The following TMEM132C variants were observed in gnomAD, a reference collection of about 807,000 sequenced individuals.
The protein encoded by TMEM132C is transmembrane protein 132C.
Under a neutral mutation model 61.4 loss-of-function variants are expected in TMEM132C, and 29 were observed. The observed-to-expected ratio is 0.47, with a 90% CI of 0.35 to 0.64. The LOEUF (loss-of-function observed/expected upper bound fraction) is 0.64. TMEM132C is among the 30% of genes least tolerant of loss of function. The pLI is 0.00. For missense variants in TMEM132C, 1,408 were observed against 1,476.9 expected, an observed-to-expected ratio of 0.95 and a Z score of 0.76; for synonymous variants, 656 against 633.1, an observed-to-expected ratio of 1.04 and a Z score of -0.54.
At chr12:128,303,072 G>T (rs1434216725) in intron 1 of TMEM132C, among the ~76,000 whole-genome samples, 1 of 152,180 alleles carries the variant, frequency 6.6e-6, no homozygotes, top group African/African-American at 2.4e-5. Flanking sequence ...ACACAGCTTT[G>T]CCTTCCAAGA....
intron 2 of TMEM132C, among the ~76,000 whole-genome samples, chr12:128,516,641 G>A (rs1872728925): frequency 6.6e-6 from 1 of 152,088 alleles, no homozygotes; most frequent in African/African-American, 2.4e-5. Context: ...GTCAGACATG[G>A]TGGCTCACAC....
chr12:128,419,204 A>C (rs1593046711), intron 2 of TMEM132C, among the ~76,000 whole-genome samples: 2 of 152,326 alleles, frequency 1.3e-5, no homozygotes, highest in East Asian at 3.9e-4. Flanking sequence ...TTCTTTCTGA[A>C]TCTGGTATTT....
intron 2 of TMEM132C, among the ~76,000 whole-genome samples, chr12:128,454,634 T>C (rs1370804434): frequency 6.6e-6 from 1 of 152,236 alleles, no homozygotes; most frequent in Non-Finnish European, 1.5e-5. Flanking sequence ...ACCCCCTGGA[T>C]AGGACCTCCA....
chr12:128,466,799 TGA>T (rs1397512875), intron 2 of TMEM132C, among the ~76,000 whole-genome samples: 1 of 152,230 alleles, frequency 6.6e-6, no homozygotes, highest in Non-Finnish European at 1.5e-5. Context: ...ATTACAGGCA[TGA>T]GCCACCGCAC....
chr12:128,626,127 C>CTTTTT (rs1555237535), intron 4 of TMEM132C, among the ~76,000 whole-genome samples: 1 of 139,200 alleles, frequency 7.2e-6, no homozygotes. Flanking sequence ...TTCTTTCTTT[C>CTTTTT]TTTTTTTTTT....
chr12:128,685,028 G>A (rs2135643658), intron 5 of TMEM132C, among the ~76,000 whole-genome samples: 1 of 152,304 alleles, frequency 6.6e-6, no homozygotes, highest in South Asian at 2.1e-4. Flanking sequence ...TGAATGTCCT[G>A]AAACGGTGGC....
chr12:128,371,538 T>A (rs546395675), intron 1 of TMEM132C, among the ~76,000 whole-genome samples: 1 of 152,150 alleles, frequency 6.6e-6, no homozygotes, highest in Admixed American at 6.6e-5. Context: ...GTCATCTTTT[T>A]GTTGTTGTTG....
chr12:128,506,547 G>T (rs1443631761), intron 2 of TMEM132C, among the ~76,000 whole-genome samples: 1 of 152,144 alleles, frequency 6.6e-6, no homozygotes, highest in African/African-American at 2.4e-5. Flanking sequence ...AAGTGTATGT[G>T]GGTCATCCAG....
intron 2 of TMEM132C, among the ~76,000 whole-genome samples, chr12:128,533,874 A>G (rs540477995): frequency 1.3e-5 from 2 of 152,028 alleles, no homozygotes; most frequent in Non-Finnish European, 2.9e-5. Context: ...CCAGAGGCCA[A>G]GTGGTACTTA....
chr12:128,379,522 C>T lies in TMEM132C; in HGVS notation c.86-35210C>T, dbSNP rs7979781. ...ATCTGAGCTGCACCCACTCCAGAGG[C>T]GCTAGGGAAGGACCCTTCCTTGCCT... is the stretch of plus-strand genomic sequence containing the variant. On this transcript the variant is annotated intron_variant, in intron 1 of 8. Coordinates refer to ENST00000435159, the MANE Select transcript of TMEM132C (RefSeq NM_001136103.3). Among the ~76,000 whole-genome samples the T allele has an allele frequency of 7.2e-3, 1,095 of 152,302 alleles. 6 individuals are homozygous for T. The highest frequency in any genetic ancestry group is 0.014 in the Middle Eastern group (4 of 294).
intron 2 of TMEM132C, among the ~76,000 whole-genome samples, chr12:128,468,316 A>G (rs894834333): frequency 5.4e-5 from 8 of 147,176 alleles, no homozygotes; most frequent in African/African-American, 2.1e-4. Flanking sequence ...GACCAAATTT[A>G]CTTTTTTTTT....
At chr12:128,463,341 G>A (rs1029101931) in intron 2 of TMEM132C, among the ~76,000 whole-genome samples, 112 of 151,870 alleles carry the variant, frequency 7.4e-4, no homozygotes, top group African/African-American at 2.5e-3. Context: ...TTTTCGAGAC[G>A]GAGTTTCTCT....
At chr12:128,368,402 T>A (rs1309288447) in intron 1 of TMEM132C, among the ~76,000 whole-genome samples, 1 of 152,200 alleles carries the variant, frequency 6.6e-6, no homozygotes, top group Non-Finnish European at 1.5e-5. Context: ...CCAGTCAATC[T>A]TGGGCACTTT....
chr12:128,314,073 C>A (rs1872067474), intron 1 of TMEM132C, among the ~76,000 whole-genome samples: 1 of 152,260 alleles, frequency 6.6e-6, no homozygotes, highest in Admixed American at 6.5e-5. Flanking sequence ...CTGGGAGACA[C>A]TTGAATTTGG....
chr12:128,451,456 A>AC (rs771468542), intron 2 of TMEM132C, among the ~76,000 whole-genome samples: 1 of 152,014 alleles, frequency 6.6e-6, no homozygotes, highest in East Asian at 1.9e-4. Context: ...TCCGCCTGCT[A>AC]CCCCCGGCAG....
intron 2 of TMEM132C, among the ~76,000 whole-genome samples, chr12:128,446,633 C>T (rs1281164814): frequency 2.0e-5 from 3 of 152,184 alleles, no homozygotes; most frequent in African/African-American, 7.2e-5. Flanking sequence ...AGTAGATTAG[C>T]TTTGCAGACC....
Position 128,267,188 on chromosome 12 carries a change from G to C in TMEM132C, c.-215G>C, listed in dbSNP as rs189252406. The stretch of plus-strand genomic sequence containing the variant: ...TGCGGGAGAAAAGTTGTCCCGGCCG[G>C]AGCGCGAGCAGCGGCGGAGCCGGAG... On this transcript the variant is annotated 5_prime_UTR_variant, in exon 1 of 9. Transcript: ENST00000435159. Among the ~76,000 whole-genome samples, 7 of 146,950 alleles carry C rather than the reference G, an allele frequency of 4.8e-5. No homozygotes were observed. The highest frequency in any genetic ancestry group is 1.5e-5 in the Non-Finnish European group (1 of 66,022).
Position 128,298,915 on chromosome 12 carries a change from A to G in TMEM132C, c.85+31428A>G, listed in dbSNP as rs150225843. 4.9e-3 allele frequency among the ~76,000 whole-genome samples: 743 copies of G among 152,316 alleles called. 6 individuals are homozygous for G. The highest frequency in any genetic ancestry group is 0.017 in the African/African-American group (698 of 41,568). The stretch of plus-strand genomic sequence containing the variant: ...TCCCCATTTAACTTGAAGTTCCATG[A>G]AAACAGGGGTGTTTTTTCTCTTTTA... On this transcript the variant is annotated intron_variant, in intron 1 of 8. Coordinates refer to ENST00000435159, the MANE Select transcript of TMEM132C (RefSeq NM_001136103.3).
intron 1 of TMEM132C, among the ~76,000 whole-genome samples, chr12:128,337,266 G>A (rs1467465810): frequency 1.3e-5 from 2 of 152,070 alleles, no homozygotes; most frequent in African/African-American, 2.4e-5. Context: ...ATATTCAATG[G>A]GGGAATGACT....
Sources: allele counts gnomAD v4.1 joint callset (sites outside exome capture counted in the v4.1 genomes callset), GRCh38; gene constraint gnomAD v4.1.1; transcripts MANE v1.5; gene names NCBI Gene and HGNC (gene_info 2026-07-23, HGNC 2026-07-21).